The following PSMA7 variants were observed in gnomAD, a reference collection of about 807,000 sequenced individuals.
PSMA7 encodes proteasome 20S subunit alpha 7.
Under a neutral mutation model 31.3 loss-of-function variants are expected in PSMA7, and 5 were observed. The observed-to-expected ratio is 0.16, with a 90% CI of 0.08 to 0.34. PSMA7 has a LOEUF of 0.34. Among genes scored for constraint, PSMA7 ranks in the 10% least tolerant of loss-of-function variants. The probability of loss-of-function intolerance (pLI) is 1.00; values close to 1 mark genes in which losing one functional copy is unlikely to be tolerated. For missense variants in PSMA7, 217 were observed against 327.5 expected, an observed-to-expected ratio of 0.66 and a Z score of 2.60; for synonymous variants, 155 against 121.9, an observed-to-expected ratio of 1.27 and a Z score of -1.79.
chr20:62,140,970 T>C (rs1415054694), intron 1 of PSMA7, 26 bp from the exon 2 acceptor site: 1 of 1,613,086 alleles, frequency 6.2e-7, no homozygotes, highest in Non-Finnish European at 8.5e-7. Context: ...ACAAACCACG[T>C]AAGAAAGTGA....
intron 1 of PSMA7, among the ~76,000 whole-genome samples, chr20:62,141,164 G>C (rs1458731278): frequency 6.6e-6 from 1 of 152,222 alleles, no homozygotes; most frequent in African/African-American, 2.4e-5. Flanking sequence ...AGCTACTGTG[G>C]GGGCTGGTGG....
chr20:62,141,019 C>T, intron 1 of PSMA7, 75 bp from the exon 2 acceptor site: 1 of 1,573,494 alleles, frequency 6.4e-7, no homozygotes. Context: ...CTGTTAATTC[C>T]AGCACTTTGG....
At chr20:62,137,303 C>T (rs190240790) in intron 6 of PSMA7, 61 bp downstream of exon 6, 2 of 1,542,170 alleles carry the variant, frequency 1.3e-6, no homozygotes, top group Non-Finnish European at 1.8e-6. Context: ...ACTGGTACTG[C>T]TCAGCCCTGA....
chr20:62,141,595 C>T (rs1175743230), intron 1 of PSMA7, among the ~76,000 whole-genome samples: 3 of 152,208 alleles, frequency 2.0e-5, no homozygotes, highest in Admixed American at 2.0e-4. Flanking sequence ...TTCCTTTCAA[C>T]CCAATGAATC....
At chr20:62,137,281 G>A in intron 6 of PSMA7, 83 bp downstream of exon 6, 1 of 1,380,812 alleles carries the variant, frequency 7.2e-7, no homozygotes. Context: ...GCCCTATGAT[G>A]TTTCCTTCGG....
intron 1 of PSMA7, chr20:62,142,588 C>G (rs2145669188): frequency 1.3e-5 from 2 of 152,398 alleles, no homozygotes; most frequent in Admixed American, 1.3e-4. Flanking sequence ...CCAGTCCTGA[C>G]CCGGGCGGCT....
Position 62,143,390 on chromosome 20 carries a change from A to G in PSMA7, c.-87T>C. ...GCGCGCACCCGCGACTCCCGGCGCC[A>G]CTACGCCCGCGCCCCACCCTCGGCG... On this transcript the variant is annotated 5_prime_UTR_variant, in exon 1 of 7. Transcript: ENST00000370873. 1 of 716,542 alleles carries G rather than the reference A, an allele frequency of 1.4e-6. No individual in the cohort carries two copies. Among genetic ancestry groups the G allele is most frequent in the Non-Finnish European group, 1.8e-6 (1 of 541,892 alleles). The allele number at this position is 716,542 out of a possible 1,614,324, so 44.4% of individuals were successfully genotyped here. A position where few individuals can be genotyped will look rare whatever the true frequency, so the allele number is the denominator to read the frequency against.
Position 62,143,332 on chromosome 20 carries a change from G to T in PSMA7, c.-29C>A. 1 of 1,342,684 alleles carries T rather than the reference G, an allele frequency of 7.4e-7. No individual in the cohort carries two copies. 83.2% of individuals were successfully genotyped at this position (1,342,684 alleles called of 1,614,324 possible). A position where few individuals can be genotyped will look rare whatever the true frequency, so the allele number is the denominator to read the frequency against. The stretch of plus-strand genomic sequence containing the variant: ...GGCGGGCGGCGGCCGGGCTCCTTCC[G>T]CCGCGACTCTCAAAAGCGCACACTC... On this transcript the variant is annotated 5_prime_UTR_variant, in exon 1 of 7. Coordinates refer to ENST00000370873, the MANE Select transcript of PSMA7 (RefSeq NM_002792.4).
At chr20:62,139,578 C>T (rs775703923) in intron 3 of PSMA7, 51 of 853,446 alleles carry the variant, frequency 6.0e-5, no homozygotes, top group Non-Finnish European at 9.3e-5. Flanking sequence ...TTTGGAATAT[C>T]CCATGCCAGG....
At position 62,139,114 on chromosome 20, in the gene PSMA7, G is replaced by C. The variant is rs2145664016; in HGVS notation, c.432C>G (p.Leu144=). Reference sequence around the variant, plus strand: ...ATGTGCCCGAGGGGTCAGTCTGATAGAGCCTAGGAGTGCCATCAAAGTCGA... The same window carrying C: ...ATGTGCCCGAGGGGTCAGTCTGATACAGCCTAGGAGTGCCATCAAAGTCGA... The part of the protein sequence containing the change: ...VGFDFDGTPR[L]YQTDPSGTYH... Residue 144 remains leucine, a synonymous_variant, in exon 4 of 7, where the codon CTC becomes CTG. Coordinates refer to ENST00000370873, the MANE Select transcript of PSMA7 (RefSeq NM_002792.4). The C allele has an allele frequency of 6.2e-7, 1 of 1,614,164 alleles. No homozygotes were observed.
chr20:62,141,828 C>T lies in PSMA7; in HGVS notation c.97-884G>A, dbSNP rs6121517. On this transcript the variant is annotated intron_variant, in intron 1 of 6. Transcript: ENST00000370873. Reference sequence around the variant, plus strand: ...TGGCTGATGCTGGAGAAGGATATGGCTGTTATTAAAAGCATGAACAATCAC... The same window carrying T: ...TGGCTGATGCTGGAGAAGGATATGGTTGTTATTAAAAGCATGAACAATCAC... Among the ~76,000 whole-genome samples, 1,353 of 152,332 alleles carry T rather than the reference C, an allele frequency of 8.9e-3. 13 individuals carry two copies. The highest frequency in any genetic ancestry group is 0.029 in the African/African-American group (1,217 of 41,558).
chr20:62,140,968 C>T lies in PSMA7; in HGVS notation c.97-24G>A, dbSNP rs778483413. The T allele has an allele frequency of 6.8e-6, 11 of 1,613,354 alleles. No homozygotes were observed. The Admixed American group carries it at 1.3e-4, about 20-fold the overall frequency. ...ACCTTTAATTAAGATCCACAAACCA[C>T]GTAAGAAAGTGATATGAGTGCTGGG... On this transcript the variant is annotated intron_variant, in intron 1 of 6. Transcript: ENST00000370873.
At chr20:62,142,872 G>A (rs537934429) in intron 1 of PSMA7, among the ~76,000 whole-genome samples, 1 of 151,406 alleles carries the variant, frequency 6.6e-6, no homozygotes, top group Non-Finnish European at 1.5e-5. Context: ...GCTCGCCGGG[G>A]CGGCGGCGCG....
At chr20:62,139,321 G>A in intron 3 of PSMA7, 124 bp from the exon 4 acceptor site, 1 of 1,216,736 alleles carries the variant, frequency 8.2e-7, no homozygotes, top group Non-Finnish European at 1.1e-6. Flanking sequence ...GTTATCAGCA[G>A]TTCAAATGAT....
Sources: gnomAD v4.1 joint callset for allele counts (sites outside exome capture counted in the v4.1 genomes callset) on GRCh38, gnomAD v4.1.1 for gene constraint, MANE v1.5 for transcripts, NCBI Gene and HGNC (gene_info 2026-07-23, HGNC 2026-07-21) for gene names.